Variants in DIRAS1 observed in about 807,000 individuals in gnomAD.
DIRAS1 encodes GTP-binding protein Di-Ras1.
A neutral mutation model predicts 11.5 loss-of-function variants in DIRAS1; 3 were observed. That is an observed-to-expected ratio of 0.26 (90% confidence interval 0.12 to 0.67). DIRAS1 has a LOEUF of 0.67. DIRAS1 is among the 30% of genes least tolerant of loss of function. The pLI is 0.80. For synonymous variants in DIRAS1, 128 were observed against 125.8 expected, an observed-to-expected ratio of 1.02 and a Z score of -0.12; for missense variants, 212 against 285.3, an observed-to-expected ratio of 0.74 and a Z score of 1.85.
Position 2,718,749 on chromosome 19 carries a change from T to C in DIRAS1, c.-69-874A>G, listed in dbSNP as rs1204132745. ...CATGTTGGTCAGGCAGGTCTTGAAC[T>C]CCTGACCTCAGGTGATCCACCCACC... is the stretch of plus-strand genomic sequence containing the variant. On this transcript the variant is annotated intron_variant, in intron 1 of 1. Transcript: ENST00000323469. The surrounding 1 kb of genome is among the most constrained non-coding windows in gnomAD (Gnocchi z 4.2). 6.6e-6 allele frequency among the ~76,000 whole-genome samples: 1 copy of C among 152,086 alleles called. No individual in the cohort carries two copies. The highest frequency in any genetic ancestry group is 1.5e-5 in the Non-Finnish European group (1 of 68,032).
chr19:2,717,899 G>A (rs755859899), intron 1 of DIRAS1, 24 bp from the exon 2 acceptor site: 4 of 1,314,072 alleles, frequency 3.0e-6, no homozygotes, highest in Admixed American at 2.3e-5. Context: ...AGGGTCACAC[G>A]TCAAAGGCCA....
At position 2,721,293 on chromosome 19, in the gene DIRAS1, G is replaced by T. The variant is rs1429390532; in HGVS notation, c.-70+11C>A. ...TGCGCAGGGACCCCCTCCCCGCCCCGGGCCGCCTACCTGGGCCCGCTGGTC... is the reference window on the plus strand; with the variant it reads ...TGCGCAGGGACCCCCTCCCCGCCCCTGGCCGCCTACCTGGGCCCGCTGGTC... On this transcript the variant is annotated intron_variant, in intron 1 of 1. Transcript: ENST00000323469. 6.9e-6 allele frequency: 1 copy of T among 143,930 alleles called. No individual in the cohort carries two copies. The highest frequency in any genetic ancestry group is 2.5e-5 in the African/African-American group (1 of 39,614). The allele number at this position is 143,930 out of a possible 1,614,324, so 8.9% of individuals were successfully genotyped here.
chr19:2,720,222 A>G (rs1913922465), intron 1 of DIRAS1, among the ~76,000 whole-genome samples: 1 of 151,954 alleles, frequency 6.6e-6, no homozygotes, highest in Non-Finnish European at 1.5e-5. Context: ...GTGCAGAAAG[A>G]CGCCACCAAG....
rs1386489074 is a variant in DIRAS1, at chr19:2,717,470, C to T, written c.337G>A (p.Asp113Asn). ...LIVQIKGSVE[D>N]IPVMLVGNKC... ...TTGCCCACGAGCATCACGGGGATGT[C>T]CTCCACGCTGCCCTTGATCTGCACG... is the stretch of plus-strand genomic sequence containing the variant. The change falls in exon 2 of 2, where the codon GAC (aspartate) becomes AAC (asparagine). Residue 113 changes from aspartate (D) to asparagine (N), a missense_variant. This residue lies in a region of DIRAS1 where 128 missense variants were observed against 205.3 expected (regional missense o/e 0.62). Coordinates refer to ENST00000323469, the MANE Select transcript of DIRAS1 (RefSeq NM_145173.4). The T allele has an allele frequency of 6.2e-7, 1 of 1,611,596 alleles. No homozygotes were observed. Among genetic ancestry groups the T allele is most frequent in the Non-Finnish European group, 8.5e-7 (1 of 1,180,004 alleles).
At chr19:2,720,908 C>A (rs1388070624) in intron 1 of DIRAS1, among the ~76,000 whole-genome samples, 1 of 151,872 alleles carries the variant, frequency 6.6e-6, no homozygotes, top group Non-Finnish European at 1.5e-5. Context: ...AGAGGAGGAG[C>A]CCACCCCGGG....
chr19:2,719,596 G>A (rs370485331), intron 1 of DIRAS1, among the ~76,000 whole-genome samples: 2 of 151,800 alleles, frequency 1.3e-5, no homozygotes, highest in East Asian at 3.9e-4. Context: ...GGGGGGTGGG[G>A]GAGGGGTGTT....
rs377049841 is a variant in DIRAS1 at position 2,716,379 on chromosome 19, C to T, written c.*831G>A. Reference sequence around the variant, plus strand: ...TCTCTGGCCGGGGCCCCGGGTACCCCCTCCTGAGCACCCCAGGTCCCCACC... The same window carrying T: ...TCTCTGGCCGGGGCCCCGGGTACCCTCTCCTGAGCACCCCAGGTCCCCACC... On this transcript the variant is annotated 3_prime_UTR_variant, in exon 2 of 2. Transcript: ENST00000323469. 4 of 152,474 alleles carry T rather than the reference C, an allele frequency of 2.6e-5. No individual in the cohort carries two copies. In the East Asian group the frequency reaches 7.7e-4, roughly 29 times the overall value. 9.4% of individuals were successfully genotyped at this position (152,474 alleles called of 1,614,324 possible). A position where few individuals can be genotyped will look rare whatever the true frequency, so the allele number is the denominator to read the frequency against.
Position 2,717,453 on chromosome 19 carries a change from G to A in DIRAS1, c.354C>T (p.Leu118=), listed in dbSNP as rs143400973. The part of the protein sequence containing the change: ...KGSVEDIPVM[L]VGNKCDETQR... ...GCGTCTCATCGCACTTGTTGCCCAC[G>A]AGCATCACGGGGATGTCCTCCACGC... Residue 118 remains leucine, a synonymous_variant, in exon 2 of 2, where the codon CTC becomes CTT. Coordinates refer to ENST00000323469, the MANE Select transcript of DIRAS1 (RefSeq NM_145173.4). 667 of 1,610,406 alleles carry A rather than the reference G, an allele frequency of 4.1e-4. 5 individuals carry two copies. The East Asian group carries it at 0.013, about 31-fold the overall frequency.
chr19:2,720,938 G>C (rs982164025), intron 1 of DIRAS1, among the ~76,000 whole-genome samples: 1 of 151,582 alleles, frequency 6.6e-6, no homozygotes, highest in Admixed American at 6.6e-5. Context: ...CGGAGGGAGG[G>C]GCTTGGCTGG....
Position 2,717,059 on chromosome 19 carries a change from G to A in DIRAS1, c.*151C>T. On this transcript the variant is annotated 3_prime_UTR_variant, in exon 2 of 2. Coordinates refer to ENST00000323469, the MANE Select transcript of DIRAS1 (RefSeq NM_145173.4). ...CAGCCCTGCCTCGGGGTGGGCAGGG[G>A]CAGCGGAGGGGGGGGCGGTGGCCTC... is the stretch of plus-strand genomic sequence containing the variant. 1 of 762,214 alleles carries A rather than the reference G, an allele frequency of 1.3e-6. No homozygotes were observed. Among genetic ancestry groups the A allele is most frequent in the South Asian group, 1.9e-5 (1 of 53,326 alleles). The allele number at this position is 762,214 out of a possible 1,614,324, so 47.2% of individuals were successfully genotyped here.
Position 2,717,811 on chromosome 19 carries a change from C to T in DIRAS1, c.-5G>A. ...ATCGTTACTCTGTTCCGGCATCTTCCCCGCGGCGGGTGGGCGGCCGGGGCC... is the reference window on the plus strand; with the variant it reads ...ATCGTTACTCTGTTCCGGCATCTTCTCCGCGGCGGGTGGGCGGCCGGGGCC... On this transcript the variant is annotated 5_prime_UTR_variant, in exon 2 of 2. Transcript: ENST00000323469. 3 of 1,586,664 alleles carry T rather than the reference C, an allele frequency of 1.9e-6. No homozygotes were observed. The highest frequency in any genetic ancestry group is 2.6e-6 in the Non-Finnish European group (3 of 1,170,142).
At chr19:2,721,085 G>A (rs1244337780) in intron 1 of DIRAS1, among the ~76,000 whole-genome samples, 2 of 150,716 alleles carry the variant, frequency 1.3e-5, no homozygotes, top group African/African-American at 4.9e-5. Flanking sequence ...GTGGGGGAGG[G>A]GAGGCGGCCG....
chr19:2,719,091 G>A (rs1299617987), intron 1 of DIRAS1: 1 of 152,266 alleles, frequency 6.6e-6, no homozygotes, highest in Non-Finnish European at 1.5e-5. Flanking sequence ...AAAGTGCTGG[G>A]ATTCCAGGTG....
intron 1 of DIRAS1, among the ~76,000 whole-genome samples, chr19:2,720,917 G>T (rs1053568808): frequency 2.0e-5 from 3 of 151,996 alleles, no homozygotes; most frequent in Admixed American, 2.0e-4. Flanking sequence ...GCCCACCCCG[G>T]GGAGGGGGCG....
chr19:2,718,285 G>C lies in DIRAS1; in HGVS notation c.-69-410C>G, dbSNP rs1913874635. The stretch of plus-strand genomic sequence containing the variant: ...TCCACCTCTCGCTCCACACCTGCCT[G>C]GCTCTGAGACCTTGCCGAGCCATCA... On this transcript the variant is annotated intron_variant, in intron 1 of 1. Transcript: ENST00000323469. This position sits in a 1 kb window ranked among gnomAD's most constrained non-coding sequence, Gnocchi z 4.2. Among the ~76,000 whole-genome samples, 1 of 152,160 alleles carries C rather than the reference G, an allele frequency of 6.6e-6. No homozygotes were observed. The highest frequency in any genetic ancestry group is 2.4e-5 in the African/African-American group (1 of 41,446).
chr19:2,717,668 C>T lies in DIRAS1; in HGVS notation c.139G>A (p.Val47Met). ...IPTIEDTYRQ[V>M]ISCDKSVCTL... The stretch of plus-strand genomic sequence containing the variant: ...CACACGCTCTTGTCGCAGCTGATCA[C>T]CTGCCGGTAGGTGTCCTCGATGGTG... The change falls in exon 2 of 2, where the codon GTG becomes ATG. Residue 47 changes from valine to methionine, a missense_variant. Physicochemically the swap from Val to Met is conservative, Grantham distance 21. Around this residue, in one of 2 missense-constraint regions of DIRAS1, gnomAD observed 128 missense variants for 205.3 expected, o/e 0.62. Transcript: ENST00000323469. The T allele has an allele frequency of 6.2e-7, 1 of 1,612,894 alleles. No individual in the cohort carries two copies. The highest frequency in any genetic ancestry group is 8.5e-7 in the Non-Finnish European group (1 of 1,180,012).
At chr19:2,719,645 C>A (rs1209458984) in intron 1 of DIRAS1, among the ~76,000 whole-genome samples, 2 of 151,304 alleles carry the variant, frequency 1.3e-5, no homozygotes, top group East Asian at 3.9e-4. Flanking sequence ...GGAGGAGGAA[C>A]CAGTTTCTAC....
rs1913874513 is a variant in DIRAS1, at chr19:2,718,279, C to G, written c.-69-404G>C. Among the ~76,000 whole-genome samples the G allele has an allele frequency of 6.6e-6, 1 of 152,170 alleles. No homozygotes were observed. Among genetic ancestry groups the G allele is most frequent in the Non-Finnish European group, 1.5e-5 (1 of 68,028 alleles). ...CTGGCTTCCACCTCTCGCTCCACAC[C>G]TGCCTGGCTCTGAGACCTTGCCGAG... On this transcript the variant is annotated intron_variant, in intron 1 of 1. Coordinates refer to ENST00000323469, the MANE Select transcript of DIRAS1 (RefSeq NM_145173.4). This position sits in a 1 kb window ranked among gnomAD's most constrained non-coding sequence, Gnocchi z 4.2.
chr19:2,719,369 A>T (rs6510698), intron 1 of DIRAS1, among the ~76,000 whole-genome samples: 2 of 151,864 alleles, frequency 1.3e-5, no homozygotes, highest in African/African-American at 4.8e-5. Context: ...TCAGGTCTGA[A>T]GGATCCTTAG....
Sources: gnomAD v4.1 joint callset for allele counts (sites outside exome capture counted in the v4.1 genomes callset) on GRCh38, gnomAD v4.1.1 for gene constraint, gnomAD v4.1.1 regional missense constraint, Gnocchi (gnomAD v3.1) non-coding constraint, MANE v1.5 for transcripts, NCBI Gene and HGNC (gene_info 2026-07-23, HGNC 2026-07-21) for gene names.